ITGA11: variants seen among roughly 807,000 people sequenced by gnomAD.
ITGA11 encodes the protein integrin alpha-11.
ITGA11 carries 97 observed loss-of-function variants against 141.9 expected under a neutral mutation model. The ratio of observed to expected loss-of-function variants is 0.68; its 90% CI spans 0.58 to 0.81. The LOEUF is 0.81. ITGA11 is among the 30% of genes least tolerant of loss of function. The pLI, the probability that ITGA11 is intolerant of heterozygous loss-of-function variation, is 0.00. For missense variants in ITGA11, 1,387 were observed against 1,559.2 expected, an observed-to-expected ratio of 0.89 and a Z score of 1.86; for synonymous variants, 658 against 624.6, an observed-to-expected ratio of 1.05 and a Z score of -0.80.
intron 3 of ITGA11, among the ~76,000 whole-genome samples, chr15:68,367,184 A>G (rs958549710): frequency 6.6e-6 from 1 of 152,000 alleles, no homozygotes; most frequent in African/African-American, 2.4e-5. Context: ...CCAGGGTCTC[A>G]TGGCTTTATG....
At chr15:68,410,997 T>C (rs1342557945) in intron 1 of ITGA11, among the ~76,000 whole-genome samples, 2 of 151,966 alleles carry the variant, frequency 1.3e-5, no homozygotes, top group African/African-American at 4.8e-5. Flanking sequence ...TGGTGGGGAG[T>C]GTGCGGTTCC....
intron 2 of ITGA11, among the ~76,000 whole-genome samples, chr15:68,373,102 C>T (rs543676915): frequency 6.6e-6 from 1 of 152,140 alleles, no homozygotes; most frequent in South Asian, 2.1e-4. Context: ...GGTGTGTGTA[C>T]CCCACCCTGG....
intron 1 of ITGA11, among the ~76,000 whole-genome samples, chr15:68,415,600 C>T (rs576981126): frequency 5.8e-4 from 89 of 152,318 alleles, no homozygotes; most frequent in African/African-American, 2.1e-3. Context: ...GCTCTGAGCA[C>T]GCCAGTGGTT....
At chr15:68,410,593 T>C (rs1896751366) in intron 1 of ITGA11, among the ~76,000 whole-genome samples, 1 of 152,330 alleles carries the variant, frequency 6.6e-6, no homozygotes, top group East Asian at 1.9e-4. Flanking sequence ...GGCTGTTTCG[T>C]ATCCTCTGCA....
chr15:68,353,049 C>T (rs1318238355), intron 7 of ITGA11, among the ~76,000 whole-genome samples: 1 of 152,156 alleles, frequency 6.6e-6, no homozygotes, highest in Non-Finnish European at 1.5e-5. Flanking sequence ...TGGGTCTGAC[C>T]CACAGCAAGG....
At chr15:68,349,251 C>T (rs1330744356) in intron 9 of ITGA11, among the ~76,000 whole-genome samples, 7 of 152,198 alleles carry the variant, frequency 4.6e-5, no homozygotes, top group African/African-American at 1.2e-4. Context: ...AAATAGTGTA[C>T]GTTTTTGGCC....
In ITGA11 at chr15:68,328,949, G is replaced by A. The variant is rs907845963; in HGVS notation, c.1902-687C>T. ...GGAAATACAAATTTACCCTTATACC[G>A]GCCTAAGTCAAATGTAATTAGGAAC... On this transcript the variant is annotated intron_variant, in intron 15 of 29. Transcript: ENST00000315757. The surrounding 1 kb of genome is among the most constrained non-coding windows in gnomAD (Gnocchi z 4.8). Among the ~76,000 whole-genome samples the A allele has an allele frequency of 3.3e-5, 5 of 152,056 alleles. No homozygotes were observed. Among genetic ancestry groups the A allele is most frequent in the East Asian group, 1.9e-4 (1 of 5,192 alleles).
chr15:68,402,631 C>A lies in ITGA11; in HGVS notation c.164+287G>T, dbSNP rs138192363. Among the ~76,000 whole-genome samples the A allele has an allele frequency of 3.8e-3, 571 of 152,232 alleles. 2 individuals are homozygous for A. Among genetic ancestry groups the A allele is most frequent in the Middle Eastern group, 6.8e-3 (2 of 294 alleles). Reference sequence around the variant, plus strand: ...ACATGACCAGGGGCTAACAATTGGTCCCCAGGTGCCTGCTACCCCCACTGT... The same window carrying A: ...ACATGACCAGGGGCTAACAATTGGTACCCAGGTGCCTGCTACCCCCACTGT... On this transcript the variant is annotated intron_variant, in intron 2 of 29. Coordinates refer to ENST00000315757, the MANE Select transcript of ITGA11 (RefSeq NM_001004439.2).
rs1897139198 is a variant in ITGA11 at position 68,426,223 on chromosome 15, G to A, written c.52+5792C>T. ...AGCCAGTTGAAATGGAAATCCCTTT[G>A]GGTAGAACACATCACGTTGTCATCA... On this transcript the variant is annotated intron_variant, in intron 1 of 29. Coordinates refer to ENST00000315757, the MANE Select transcript of ITGA11 (RefSeq NM_001004439.2). Among the ~76,000 whole-genome samples, 5 of 152,212 alleles carry A rather than the reference G, an allele frequency of 3.3e-5. No individual in the cohort carries two copies. The South Asian group carries it at 8.3e-4, about 25-fold the overall frequency.
chr15:68,408,364 A>G (rs1203841786), intron 1 of ITGA11, among the ~76,000 whole-genome samples: 1 of 152,098 alleles, frequency 6.6e-6, no homozygotes, highest in Non-Finnish European at 1.5e-5. Flanking sequence ...ACAGTTAGTA[A>G]TTCTACTCCA....
chr15:68,300,585 A>G lies in ITGA11; in HGVS notation c.*2474T>C, dbSNP rs1218983818. 2 of 152,232 alleles carry G rather than the reference A, an allele frequency of 1.3e-5. No individual in the cohort carries two copies. Among genetic ancestry groups the G allele is most frequent in the African/African-American group, 2.4e-5 (1 of 41,468 alleles). The allele number at this position is 152,232 out of a possible 1,614,324, so 9.4% of individuals were successfully genotyped here. Reference sequence around the variant, plus strand: ...CTCTTAAGGCTCATCTTGGGTATTTATACTTCAGGGTAAATAGATTCAGAA... The same window carrying G: ...CTCTTAAGGCTCATCTTGGGTATTTGTACTTCAGGGTAAATAGATTCAGAA... On this transcript the variant is annotated 3_prime_UTR_variant, in exon 30 of 30. Coordinates refer to ENST00000315757, the MANE Select transcript of ITGA11 (RefSeq NM_001004439.2).
chr15:68,309,590 CTTT>C (rs913221357), intron 26 of ITGA11, among the ~76,000 whole-genome samples: 3 of 108,746 alleles, frequency 2.8e-5, no homozygotes, highest in Admixed American at 1.0e-4. Flanking sequence ...CAATACAGTC[CTTT>C]TTTTTTTTTT....
rs117700131 is a variant in ITGA11, at chr15:68,304,984, A to C, written c.3382-1099T>G. 4.6e-4 allele frequency among the ~76,000 whole-genome samples: 70 copies of C among 152,316 alleles called. 2 individuals are homozygous for C. The highest frequency in any genetic ancestry group is 3.4e-3 in the Middle Eastern group (1 of 294). ...AGTTTGTTCTTAGCATAGCAACTAG[A>C]GGGATCCTTCTAACGAGGAAGGCAG... On this transcript the variant is annotated intron_variant, in intron 28 of 29. Coordinates refer to ENST00000315757, the MANE Select transcript of ITGA11 (RefSeq NM_001004439.2). The surrounding 1 kb of genome is among the most constrained non-coding windows in gnomAD (Gnocchi z 6.1).
At position 68,321,678 on chromosome 15, in the gene ITGA11, C is replaced by T. The variant is rs1037850333; in HGVS notation, c.2323-175G>A. On this transcript the variant is annotated intron_variant, in intron 18 of 29. Transcript: ENST00000315757. The surrounding 1 kb of genome is among the most constrained non-coding windows in gnomAD (Gnocchi z 4.9). ...TCCATAGATGCTTCCCTCTTTAAAA[C>T]GATGCTCAAAGCTCAGCTCCTCCTG... Among the ~76,000 whole-genome samples, 10 of 152,294 alleles carry T rather than the reference C, an allele frequency of 6.6e-5. No homozygotes were observed. The highest frequency in any genetic ancestry group is 2.2e-4 in the African/African-American group (9 of 41,566).
At chr15:68,427,858 G>A (rs1010098953) in intron 1 of ITGA11, among the ~76,000 whole-genome samples, 3 of 152,148 alleles carry the variant, frequency 2.0e-5, no homozygotes, top group African/African-American at 7.2e-5. Flanking sequence ...GCTGCTTAGG[G>A]AAAAGTTCCA....
intron 2 of ITGA11, among the ~76,000 whole-genome samples, chr15:68,393,197 G>A (rs11854515): frequency 2.5e-3 from 381 of 152,238 alleles, no homozygotes; most frequent in Non-Finnish European, 3.9e-3. Flanking sequence ...AGCACAGCAA[G>A]AGAAAAATGG....
chr15:68,302,912 G>A lies in ITGA11; in HGVS notation c.*147C>T. On this transcript the variant is annotated 3_prime_UTR_variant, in exon 30 of 30. Coordinates refer to ENST00000315757, the MANE Select transcript of ITGA11 (RefSeq NM_001004439.2). ...CAGCTTGAGTTCCATTCTGGAGGGA[G>A]CAGGCGCCATTGCTCGGGAGATGAG... The A allele has an allele frequency of 1.6e-6, 1 of 627,810 alleles. No homozygotes were observed. The allele number at this position is 627,810 out of a possible 1,614,324, so 38.9% of individuals were successfully genotyped here. A position where few individuals can be genotyped will look rare whatever the true frequency, so the allele number is the denominator to read the frequency against.
At chr15:68,389,962 A>C (rs1173859329) in intron 2 of ITGA11, among the ~76,000 whole-genome samples, 1 of 152,206 alleles carries the variant, frequency 6.6e-6, no homozygotes, top group Non-Finnish European at 1.5e-5. Flanking sequence ...AATGGTCTTA[A>C]AACCCACGGA....
chr15:68,352,273 A>G (rs916429216), intron 7 of ITGA11, among the ~76,000 whole-genome samples: 9 of 146,770 alleles, frequency 6.1e-5, no homozygotes, highest in African/African-American at 2.3e-4. Context: ...GCTCACTGCA[A>G]CCTCTTCCTC....
Sources: allele counts gnomAD v4.1 joint callset (sites outside exome capture counted in the v4.1 genomes callset), GRCh38; gene constraint gnomAD v4.1.1; non-coding constraint Gnocchi (gnomAD v3.1); transcripts MANE v1.5; gene names NCBI Gene and HGNC (gene_info 2026-07-23, HGNC 2026-07-21).